The following RAB11FIP4 variants were observed in gnomAD, a reference collection of about 807,000 sequenced individuals.
RAB11FIP4 encodes RAB11 family interacting protein 4.
Under a neutral mutation model 74.3 loss-of-function variants are expected in RAB11FIP4, and 23 were observed. The observed-to-expected ratio is 0.31, with a 90% CI of 0.22 to 0.44. The LOEUF (loss-of-function observed/expected upper bound fraction) is 0.44, where lower values mean the gene tolerates loss of function less well. RAB11FIP4 is among the 20% of genes least tolerant of loss of function. RAB11FIP4 has a pLI of 1.00. For missense variants in RAB11FIP4, 630 were observed against 863.9 expected, an observed-to-expected ratio of 0.73 and a Z score of 3.39; for synonymous variants, 360 against 359.9, an observed-to-expected ratio of 1.00 and a Z score of 0.00.
intron 3 of RAB11FIP4, among the ~76,000 whole-genome samples, chr17:31,513,929 G>C (rs1045150561): frequency 6.6e-6 from 1 of 152,206 alleles, no homozygotes; most frequent in Non-Finnish European, 1.5e-5. Flanking sequence ...CCAGGTGTCA[G>C]ACGGAGCTGA....
chr17:31,478,366 C>T (rs2071815620), intron 3 of RAB11FIP4, among the ~76,000 whole-genome samples: 1 of 152,110 alleles, frequency 6.6e-6, no homozygotes, highest in Admixed American at 6.5e-5. Context: ...ATTGTTTGCC[C>T]AGGTGTGCTC....
intron 1 of RAB11FIP4, among the ~76,000 whole-genome samples, chr17:31,412,378 C>G (rs2071106532): frequency 6.6e-6 from 1 of 152,216 alleles, no homozygotes; most frequent in Admixed American, 6.5e-5. Flanking sequence ...GGAGCCCGCT[C>G]CCCCTTCACT....
intron 3 of RAB11FIP4, among the ~76,000 whole-genome samples, chr17:31,477,325 TGAG>T (rs2071803398): frequency 6.6e-6 from 1 of 152,060 alleles, no homozygotes; most frequent in Admixed American, 6.6e-5. Flanking sequence ...CACACGACTG[TGAG>T]GAGGGGGCAC....
At position 31,522,414 on chromosome 17, in the gene RAB11FIP4, G is replaced by A; in HGVS notation, c.929+19G>A. On this transcript the variant is annotated intron_variant, in intron 7 of 14. Coordinates refer to ENST00000621161, the MANE Select transcript of RAB11FIP4 (RefSeq NM_032932.6). ...TTGGACGGTAAGGCCCGCCTCGAGG[G>A]AGGGCAAATTGAGTGCTGTCCCCAT... 1.2e-6 allele frequency: 2 copies of A among 1,612,722 alleles called. No homozygotes were observed. Among genetic ancestry groups the A allele is most frequent in the Non-Finnish European group, 1.7e-6 (2 of 1,179,262 alleles).
chr17:31,465,311 T>C (rs553706295), intron 3 of RAB11FIP4, among the ~76,000 whole-genome samples: 13 of 152,080 alleles, frequency 8.5e-5, no homozygotes, highest in East Asian at 7.7e-4. Context: ...CTAGGCCCCA[T>C]TGACTAGCCC....
intron 3 of RAB11FIP4, among the ~76,000 whole-genome samples, chr17:31,505,198 C>T (rs2072294063): frequency 1.3e-5 from 2 of 151,250 alleles, no homozygotes; most frequent in South Asian, 4.2e-4. Flanking sequence ...ATGTGGGGTG[C>T]TTTGGTGTTT....
intron 1 of RAB11FIP4, among the ~76,000 whole-genome samples, chr17:31,411,568 C>T (rs1285613790): frequency 1.3e-5 from 2 of 152,196 alleles, no homozygotes; most frequent in Non-Finnish European, 2.9e-5. Flanking sequence ...TTCTGATACC[C>T]AGGACTCTGT....
At chr17:31,524,056 A>C in intron 9 of RAB11FIP4, 60 bp downstream of exon 9, 2 of 1,288,352 alleles carry the variant, frequency 1.6e-6, no homozygotes, top group Non-Finnish European at 2.2e-6. Flanking sequence ...AGGGGGGTCC[A>C]TCTTGCTAAG....
chr17:31,415,541 C>A (rs886997779), intron 1 of RAB11FIP4, among the ~76,000 whole-genome samples: 2 of 152,200 alleles, frequency 1.3e-5, no homozygotes, highest in African/African-American at 4.8e-5. Flanking sequence ...TTCCTCCCCC[C>A]AATCCCCATG....
At chr17:31,509,800 G>A (rs940913835) in intron 3 of RAB11FIP4, among the ~76,000 whole-genome samples, 29 of 152,278 alleles carry the variant, frequency 1.9e-4, no homozygotes, top group Admixed American at 1.9e-3. Flanking sequence ...CCCTGGCTCT[G>A]TTGGGGTGAG....
intron 10 of RAB11FIP4, 126 bp downstream of exon 10, chr17:31,525,356 T>A: frequency 1.1e-6 from 1 of 912,016 alleles, no homozygotes; most frequent in Non-Finnish European, 1.6e-6. Flanking sequence ...CTTGAGACTT[T>A]CCAGTAGTAA....
At chr17:31,458,665 T>C (rs1402858642) in intron 3 of RAB11FIP4, among the ~76,000 whole-genome samples, 3 of 152,152 alleles carry the variant, frequency 2.0e-5, no homozygotes. Context: ...AAAATGCTCA[T>C]GTGCACCTCT....
intron 4 of RAB11FIP4, chr17:31,518,753 A>G (rs2142810528): frequency 6.6e-6 from 1 of 152,530 alleles, no homozygotes; most frequent in South Asian, 2.1e-4. Flanking sequence ...AACAACACAC[A>G]GACATATGTG....
At chr17:31,461,801 A>G (rs2071636643) in intron 3 of RAB11FIP4, among the ~76,000 whole-genome samples, 1 of 151,946 alleles carries the variant, frequency 6.6e-6, no homozygotes, top group African/African-American at 2.4e-5. Flanking sequence ...CACTAGAGAT[A>G]CAGAATCTCA....
At chr17:31,490,505 C>T (rs1478162306) in intron 3 of RAB11FIP4, among the ~76,000 whole-genome samples, 1 of 151,950 alleles carries the variant, frequency 6.6e-6, no homozygotes, top group East Asian at 1.9e-4. Flanking sequence ...TGAGAAAGGG[C>T]ATGCTGTTTC....
rs193040863 is a variant in RAB11FIP4, at chr17:31,502,749, G to A, written c.337-14902G>A. On this transcript the variant is annotated intron_variant, in intron 3 of 14. Transcript: ENST00000621161. ...GTATATTGGTCTATTGGTCTGCTAC[G>A]GCTGTCATAGCAAAGGACCACAGAC... Among the ~76,000 whole-genome samples, 409 of 152,196 alleles carry A rather than the reference G, an allele frequency of 2.7e-3. 1 individual carries two copies. Among genetic ancestry groups the A allele is most frequent in the African/African-American group, 9.2e-3 (380 of 41,518 alleles).
chr17:31,523,271 G>A, intron 7 of RAB11FIP4: 1 of 564,262 alleles, frequency 1.8e-6, no homozygotes, highest in Non-Finnish European at 3.2e-6. Flanking sequence ...CGCAGGAGAA[G>A]CTGTGCGTCA....
chr17:31,504,005 A>G (rs1260509767), intron 3 of RAB11FIP4, among the ~76,000 whole-genome samples: 1 of 149,618 alleles, frequency 6.7e-6, no homozygotes, highest in Non-Finnish European at 1.5e-5. Context: ...CTATAATGAG[A>G]TATCATCCCA....
chr17:31,520,400 G>T (rs2072639897), intron 4 of RAB11FIP4, among the ~76,000 whole-genome samples: 1 of 150,946 alleles, frequency 6.6e-6, no homozygotes, highest in African/African-American at 2.4e-5. Flanking sequence ...TACTCCGAAT[G>T]TTTTTTTTTC....
Sources: gnomAD v4.1 joint callset for allele counts (sites outside exome capture counted in the v4.1 genomes callset) on GRCh38, gnomAD v4.1.1 for gene constraint, MANE v1.5 for transcripts, NCBI Gene and HGNC (gene_info 2026-07-23, HGNC 2026-07-21) for gene names.